GRIA4: variants seen among roughly 807,000 people sequenced by gnomAD.
The protein encoded by GRIA4 is glutamate ionotropic receptor AMPA type subunit 4, also known as glutamate receptor 4.
A neutral mutation model predicts 104.0 loss-of-function variants in GRIA4; 34 were observed. The ratio of observed to expected loss-of-function variants is 0.33; its 90% CI spans 0.25 to 0.44. GRIA4 has a LOEUF of 0.44. GRIA4 is among the 20% of genes least tolerant of loss of function. The probability of loss-of-function intolerance (pLI) is 1.00; values close to 1 mark genes in which losing one functional copy is unlikely to be tolerated. For synonymous variants in GRIA4, 386 were observed against 381.9 expected (o/e 1.01, Z -0.13); for missense variants, 750 against 1,096.5 (o/e 0.68, Z 4.46).
intron 14 of GRIA4, among the ~76,000 whole-genome samples, chr11:105,953,503 C>A (rs1363079368): frequency 6.6e-6 from 1 of 152,122 alleles, no homozygotes; most frequent in African/African-American, 2.4e-5. Context: ...AAAATACTGA[C>A]AATGCAGCTA....
At chr11:105,693,974 C>T (rs576763840) in intron 3 of GRIA4, among the ~76,000 whole-genome samples, 5 of 152,158 alleles carry the variant, frequency 3.3e-5, no homozygotes, top group South Asian at 2.1e-4. Flanking sequence ...TCTACAGCAC[C>T]GTAGGGACTT....
intron 3 of GRIA4, among the ~76,000 whole-genome samples, chr11:105,701,163 T>C (rs951241198): frequency 2.0e-5 from 3 of 152,184 alleles, no homozygotes; most frequent in African/African-American, 7.2e-5. Context: ...TCTGTGCCCA[T>C]TTATTGTGCT....
intron 14 of GRIA4, among the ~76,000 whole-genome samples, chr11:105,955,983 T>G (rs1948578160): frequency 6.6e-6 from 1 of 152,212 alleles, no homozygotes; most frequent in Admixed American, 6.5e-5. Context: ...GTTTTTCTCT[T>G]GTAAATTTGT....
intron 4 of GRIA4, among the ~76,000 whole-genome samples, chr11:105,757,339 G>C (rs1004078709): frequency 6.6e-6 from 1 of 152,130 alleles, no homozygotes; most frequent in African/African-American, 2.4e-5. Context: ...AAGGATTCGA[G>C]GGCAGATGCT....
chr11:105,617,146 T>C (rs1230227373), intron 3 of GRIA4, among the ~76,000 whole-genome samples: 1 of 149,654 alleles, frequency 6.7e-6, no homozygotes, highest in Non-Finnish European at 1.5e-5. Context: ...TATAAAATCT[T>C]ATTAGAGCAA....
chr11:105,638,387 C>CCTG (rs2135339700), intron 3 of GRIA4, among the ~76,000 whole-genome samples: 1 of 152,240 alleles, frequency 6.6e-6, no homozygotes, highest in East Asian at 1.9e-4. Context: ...CTACCCTGAA[C>CCTG]CTGCTGACAA....
chr11:105,951,660 T>C (rs1196579050), intron 14 of GRIA4, among the ~76,000 whole-genome samples: 1 of 152,194 alleles, frequency 6.6e-6, no homozygotes, highest in Admixed American at 6.5e-5. Context: ...TTTTTAAATT[T>C]TTATTGGTTT....
At chr11:105,681,182 T>A (rs76090690) in intron 3 of GRIA4, among the ~76,000 whole-genome samples, 4,050 of 152,284 alleles carry the variant, frequency 0.027, 103 homozygotes, top group African/African-American at 0.065. Context: ...GAAAACACTA[T>A]TTTGTAAAGC....
intron 11 of GRIA4, among the ~76,000 whole-genome samples, chr11:105,922,523 A>G (rs1430511762): frequency 6.6e-6 from 1 of 152,170 alleles, no homozygotes; most frequent in Non-Finnish European, 1.5e-5. Context: ...AAATTTTGTA[A>G]AGCTGGAAAC....
chr11:105,619,992 G>A (rs1246695175), intron 3 of GRIA4, among the ~76,000 whole-genome samples: 1 of 151,578 alleles, frequency 6.6e-6, no homozygotes, highest in Non-Finnish European at 1.5e-5. Context: ...TCTGCCTCTC[G>A]CATTGTCATC....
chr11:105,642,029 C>T (rs1951377701), intron 3 of GRIA4, among the ~76,000 whole-genome samples: 1 of 152,040 alleles, frequency 6.6e-6, no homozygotes, highest in East Asian at 1.9e-4. Flanking sequence ...TATGGTCTTC[C>T]CTCTCTGCAT....
At chr11:105,976,076 T>A (rs1309154076) in intron 16 of GRIA4, among the ~76,000 whole-genome samples, 3 of 152,064 alleles carry the variant, frequency 2.0e-5, no homozygotes, top group Admixed American at 2.0e-4. Context: ...ACAGAGTTGA[T>A]GAGAGACTTT....
At chr11:105,785,362 G>C (rs989246499) in intron 4 of GRIA4, among the ~76,000 whole-genome samples, 18 of 152,096 alleles carry the variant, frequency 1.2e-4, no homozygotes, top group Admixed American at 5.9e-4. Context: ...ATCAATCTGA[G>C]AGACAATATA....
intron 4 of GRIA4, 23 bp from the exon 5 acceptor site, chr11:105,862,001 G>A (rs754588882): frequency 2.6e-6 from 4 of 1,526,802 alleles, no homozygotes; most frequent in Admixed American, 3.5e-5. Flanking sequence ...CATGTTTTTA[G>A]TAACTTTTTT....
At chr11:105,726,225 C>T (rs1469696451) in intron 3 of GRIA4, among the ~76,000 whole-genome samples, 1 of 152,088 alleles carries the variant, frequency 6.6e-6, no homozygotes, top group Non-Finnish European at 1.5e-5. Context: ...TCCACTATTA[C>T]TGAGGCTTGA....
chr11:105,910,572 G>A, intron 10 of GRIA4, 27 bp downstream of exon 10: 1 of 1,188,130 alleles, frequency 8.4e-7, no homozygotes, highest in Non-Finnish European at 1.3e-6. Context: ...GCTTTATGGT[G>A]TTCCGTTTTG....
chr11:105,700,766 C>A (rs973818837), intron 3 of GRIA4, among the ~76,000 whole-genome samples: 3 of 152,066 alleles, frequency 2.0e-5, no homozygotes, highest in Non-Finnish European at 4.4e-5. Context: ...TTCAAGCCAC[C>A]GTCAACTCTT....
At chr11:105,710,080 ATTATT>A (rs888661220) in intron 3 of GRIA4, among the ~76,000 whole-genome samples, 2 of 152,090 alleles carry the variant, frequency 1.3e-5, no homozygotes, top group African/African-American at 2.4e-5. Context: ...GAAGTCTTTT[ATTATT>A]TTATTTGTTT....
intron 14 of GRIA4, among the ~76,000 whole-genome samples, chr11:105,953,476 C>T (rs571488216): frequency 4.6e-5 from 7 of 152,246 alleles, no homozygotes; most frequent in South Asian, 2.1e-4. Context: ...ATATGGAATA[C>T]GCATAGAACT....
Sources: allele counts gnomAD v4.1 joint callset (sites outside exome capture counted in the v4.1 genomes callset), GRCh38; gene constraint gnomAD v4.1.1; transcripts MANE v1.5; gene names NCBI Gene and HGNC (gene_info 2026-07-23, HGNC 2026-07-21).